The following PPP1R42 variants were observed in gnomAD, a reference collection of about 807,000 sequenced individuals.
PPP1R42 encodes leucine rich repeat containing 67.
Under a neutral mutation model 31.0 loss-of-function variants are expected in PPP1R42, and 34 were observed. The ratio of observed to expected loss-of-function variants is 1.10; its 90% CI spans 0.83 to 1.46. The LOEUF (loss-of-function observed/expected upper bound fraction) is 1.46, where lower values mean the gene tolerates loss of function less well. PPP1R42 is among the 40% of genes most tolerant of loss of function. The pLI is 0.00. For missense variants in PPP1R42, 268 were observed against 303.0 expected (o/e 0.88, Z 0.86); for synonymous variants, 103 against 109.8 (o/e 0.94, Z 0.39).
intron 1 of PPP1R42, among the ~76,000 whole-genome samples, chr8:67,022,497 A>G (rs1479980185): frequency 1.3e-5 from 2 of 152,076 alleles, no homozygotes; most frequent in Non-Finnish European, 2.9e-5. Flanking sequence ...TTTTAATGGT[A>G]TCTTCTAAAA....
chr8:67,026,673 C>A lies in PPP1R42; in HGVS notation c.-85+1818G>T, dbSNP rs567508615. ...CAACATGGCGAGACCCCTGTCTCTACAAAAATAAATGAGCCGGGCATGGTG... is the reference window on the plus strand; with the variant it reads ...CAACATGGCGAGACCCCTGTCTCTAAAAAAATAAATGAGCCGGGCATGGTG... On this transcript the variant is annotated intron_variant, in intron 1 of 7. Transcript: ENST00000685739. Among the ~76,000 whole-genome samples, 406 of 151,076 alleles carry A rather than the reference C, an allele frequency of 2.7e-3. 2 individuals carry two copies. The highest frequency in any genetic ancestry group is 2.6e-3 in the Non-Finnish European group (174 of 67,656).
intron 4 of PPP1R42, among the ~76,000 whole-genome samples, chr8:67,011,841 C>A (rs532536060): frequency 1.8e-4 from 27 of 152,214 alleles, no homozygotes; most frequent in African/African-American, 6.3e-4. Context: ...TTAAAAAAAA[C>A]ATGGAGGCAT....
intron 5 of PPP1R42, among the ~76,000 whole-genome samples, chr8:66,997,832 A>G (rs1166849491): frequency 1.3e-5 from 2 of 152,110 alleles, no homozygotes; most frequent in Non-Finnish European, 2.9e-5. Context: ...GATTATAAGC[A>G]TGAGTTACCA....
intron 7 of PPP1R42, among the ~76,000 whole-genome samples, chr8:66,965,955 C>G (rs1228606868): frequency 2.0e-5 from 3 of 152,078 alleles, no homozygotes; most frequent in Non-Finnish European, 4.4e-5. Flanking sequence ...AAGAATATGT[C>G]AAACTACTGT....
chr8:67,013,385 T>G (rs1408053465), intron 3 of PPP1R42, among the ~76,000 whole-genome samples: 2 of 151,638 alleles, frequency 1.3e-5, no homozygotes, highest in Non-Finnish European at 2.9e-5. Flanking sequence ...GGGTAGATAG[T>G]TTGATAATAA....
intron 5 of PPP1R42, among the ~76,000 whole-genome samples, chr8:66,999,881 A>G (rs1016277474): frequency 1.3e-4 from 20 of 152,226 alleles, no homozygotes; most frequent in African/African-American, 4.1e-4. Flanking sequence ...CTAAGCTGCC[A>G]ACCTTATGGC....
chr8:66,983,087 C>G (rs960915961), intron 6 of PPP1R42, among the ~76,000 whole-genome samples: 1 of 151,696 alleles, frequency 6.6e-6, no homozygotes, highest in African/African-American at 2.4e-5. Flanking sequence ...ATAAATTATA[C>G]AAATAATTTT....
At chr8:66,991,592 A>G (rs1398910002) in intron 5 of PPP1R42, among the ~76,000 whole-genome samples, 1 of 152,138 alleles carries the variant, frequency 6.6e-6, no homozygotes, top group Non-Finnish European at 1.5e-5. Context: ...TTTCTCAGTT[A>G]TCTGCCTTTG....
At chr8:67,023,463 T>C (rs1816286009) in intron 1 of PPP1R42, among the ~76,000 whole-genome samples, 1 of 152,206 alleles carries the variant, frequency 6.6e-6, no homozygotes, top group African/African-American at 2.4e-5. Context: ...ATATTGCAAA[T>C]GTTATTCTTT....
At chr8:67,023,252 A>G (rs546769237) in intron 1 of PPP1R42, among the ~76,000 whole-genome samples, 13 of 152,204 alleles carry the variant, frequency 8.5e-5, no homozygotes, top group African/African-American at 3.1e-4. Flanking sequence ...CTGGGACTAC[A>G]AGCCTGCGCC....
chr8:67,024,770 C>T (rs1816342951), intron 1 of PPP1R42, among the ~76,000 whole-genome samples: 1 of 151,896 alleles, frequency 6.6e-6, no homozygotes, highest in Admixed American at 6.6e-5. Context: ...AGCCACTGCA[C>T]CCAGCCTAAT....
intron 7 of PPP1R42, among the ~76,000 whole-genome samples, chr8:66,981,388 T>C (rs1814831088): frequency 6.6e-6 from 1 of 151,758 alleles, no homozygotes; most frequent in South Asian, 2.1e-4. Context: ...CACTTTTTTT[T>C]TTTTTTTTGA....
chr8:66,965,670 C>T (rs1265874644), intron 7 of PPP1R42, among the ~76,000 whole-genome samples: 1 of 152,068 alleles, frequency 6.6e-6, no homozygotes, highest in Non-Finnish European at 1.5e-5. Flanking sequence ...TCTGCAACCC[C>T]AGCACTTTGG....
chr8:66,984,740 C>CAGAA, intron 6 of PPP1R42: 1 of 1,608,332 alleles, frequency 6.2e-7, no homozygotes, highest in Non-Finnish European at 8.5e-7. Context: ...TGGGCTTCTA[C>CAGAA]CTTCGTGGGG....
chr8:67,010,838 G>C lies in PPP1R42; in HGVS notation c.436-7C>G. On this transcript the variant is annotated splice_region_variant and splice_polypyrimidine_tract_variant and intron_variant, in intron 4 of 7. Coordinates refer to ENST00000685739, the MANE Select transcript of PPP1R42 (RefSeq NM_001364910.1). ...TCAATATACAGAGGGATTTCTGTAA[G>C]AAAAATAACGAAGTTAGCATTAGTA... is the stretch of plus-strand genomic sequence containing the variant. 6.4e-7 allele frequency: 1 copy of C among 1,564,676 alleles called. No individual in the cohort carries two copies. The highest frequency in any genetic ancestry group is 1.2e-5 in the South Asian group (1 of 82,762).
chr8:67,024,705 C>T (rs529325090), intron 1 of PPP1R42, among the ~76,000 whole-genome samples: 33 of 151,966 alleles, frequency 2.2e-4, no homozygotes, highest in African/African-American at 8.0e-4. Context: ...CCTCCATCTC[C>T]AGACCTCGTG....
intron 7 of PPP1R42, among the ~76,000 whole-genome samples, chr8:66,978,067 A>G (rs1029245633): frequency 2.0e-5 from 3 of 152,174 alleles, no homozygotes; most frequent in African/African-American, 7.2e-5. Flanking sequence ...CACCAGCTGT[A>G]TTAGTCCATT....
At chr8:67,001,691 G>A (rs1245634416) in intron 5 of PPP1R42, among the ~76,000 whole-genome samples, 1 of 152,082 alleles carries the variant, frequency 6.6e-6, no homozygotes, top group African/African-American at 2.4e-5. Context: ...TATAATGTAA[G>A]AACTTTACAA....
intron 3 of PPP1R42, among the ~76,000 whole-genome samples, chr8:67,013,705 G>A (rs1291807901): frequency 6.6e-6 from 1 of 152,094 alleles, no homozygotes; most frequent in African/African-American, 2.4e-5. Context: ...GGGTGACAGA[G>A]CGAGACTCTG....
Sources: allele counts gnomAD v4.1 joint callset (sites outside exome capture counted in the v4.1 genomes callset), GRCh38; gene constraint gnomAD v4.1.1; transcripts MANE v1.5; gene names NCBI Gene and HGNC (gene_info 2026-07-23, HGNC 2026-07-21).